The following LAMP3 variants were observed in gnomAD, a reference collection of about 807,000 sequenced individuals.
LAMP3 encodes the protein lysosome-associated membrane glycoprotein 3.
In LAMP3, 26 loss-of-function variants were observed where a neutral mutation model predicts 34.8. The ratio of observed to expected loss-of-function variants is 0.75; its 90% CI spans 0.55 to 1.04. The LOEUF (loss-of-function observed/expected upper bound fraction) is 1.04. Ranked by LOEUF, LAMP3 falls within the 50% of genes least tolerant of loss-of-function variation. The probability of loss-of-function intolerance (pLI) is 0.00; values close to 1 mark genes in which losing one functional copy is unlikely to be tolerated. For missense variants in LAMP3, 495 were observed against 524.0 expected (o/e 0.94, Z 0.54); for synonymous variants, 180 against 201.9 (o/e 0.89, Z 0.92).
At chr3:183,149,544 C>CAAA (rs1177679833) in intron 3 of LAMP3, among the ~76,000 whole-genome samples, 15 of 93,394 alleles carry the variant, frequency 1.6e-4, no homozygotes, top group Non-Finnish European at 1.7e-4. Flanking sequence ...GACTCCAACT[C>CAAA]AAAAAAAAAA....
In LAMP3 at chr3:183,154,298, A is replaced by G; in HGVS notation, c.143T>C (p.Ile48Thr). Residue 48 changes from isoleucine to threonine, a missense_variant, in exon 2 of 6, where the codon ATA (isoleucine) becomes ACA (threonine). Transcript: ENST00000265598. ...AGCTGGTTGCTGGACAGGTTTTTTT[A>G]TGTCCTGTACTGTTGCTGCTGCAGT... ...QPTAAATVQD[I>T]KKPVQQPAKQ... The G allele has an allele frequency of 6.2e-7, 1 of 1,614,012 alleles. No individual in the cohort carries two copies. The highest frequency in any genetic ancestry group is 8.5e-7 in the Non-Finnish European group (1 of 1,179,982).
chr3:183,156,443 C>T (rs1281357604), intron 1 of LAMP3, among the ~76,000 whole-genome samples: 1 of 152,112 alleles, frequency 6.6e-6, no homozygotes, highest in Non-Finnish European at 1.5e-5. Flanking sequence ...TGCGTCCCTT[C>T]AATTTTGTGG....
At chr3:183,125,163 T>C (rs1227219699) in intron 5 of LAMP3, among the ~76,000 whole-genome samples, 1 of 152,160 alleles carries the variant, frequency 6.6e-6, no homozygotes, top group African/African-American at 2.4e-5. Context: ...GGGAAGTTGA[T>C]AGAATACTCT....
In LAMP3 at chr3:183,154,174, C is replaced by T. The variant is rs653316; in HGVS notation, c.267G>A (p.Ala89=). ...ATVKIPTTTP[A]TTKNTATTSP... is the part of the protein sequence containing the mutation. ...TGGTGGTTGCAGTGTTTTTTGTAGT[C>T]GCTGGGGTAGTTGTTGGAATTTTTA... The change falls in exon 2 of 6, where the codon GCG becomes GCA. Residue 89 remains alanine (A), a synonymous_variant. Coordinates refer to ENST00000265598, the MANE Select transcript of LAMP3 (RefSeq NM_014398.4). 0.82 allele frequency: 1,325,981 copies of T among 1,613,816 alleles called. 545,504 individuals carry two copies. Among genetic ancestry groups the T allele is most frequent in the Non-Finnish European group, 0.83 (981,777 of 1,179,956 alleles).
chr3:183,162,021 A>G (rs1418800155), intron 1 of LAMP3: 1 of 982,570 alleles, frequency 1.0e-6, no homozygotes, highest in Non-Finnish European at 1.2e-6. Context: ...CAGTTCTCTC[A>G]TGACGTTCGA....
chr3:183,128,890 T>C (rs913011139), intron 5 of LAMP3, among the ~76,000 whole-genome samples: 3 of 152,186 alleles, frequency 2.0e-5, no homozygotes, highest in African/African-American at 7.2e-5. Context: ...TTGTTTATAT[T>C]GCGACTCATT....
intron 4 of LAMP3, among the ~76,000 whole-genome samples, chr3:183,138,590 G>A (rs907492872): frequency 6.6e-6 from 1 of 152,166 alleles, no homozygotes; most frequent in African/African-American, 2.4e-5. Context: ...GTGTGAGTGG[G>A]AGCTTTGCTT....
At chr3:183,149,798 T>C (rs982077654) in intron 3 of LAMP3, among the ~76,000 whole-genome samples, 4 of 151,782 alleles carry the variant, frequency 2.6e-5, no homozygotes, top group Admixed American at 6.6e-5. Context: ...TTATTACACA[T>C]TGCATGCCTA....
chr3:183,124,937 T>C (rs1156501767), intron 5 of LAMP3, among the ~76,000 whole-genome samples: 1 of 152,252 alleles, frequency 6.6e-6, no homozygotes, highest in Non-Finnish European at 1.5e-5. Flanking sequence ...AAAACATTTT[T>C]GTCACTCCTA....
intron 5 of LAMP3, among the ~76,000 whole-genome samples, chr3:183,127,130 T>A (rs1192746892): frequency 6.6e-6 from 1 of 152,136 alleles, no homozygotes; most frequent in East Asian, 1.9e-4. Flanking sequence ...TCCCCTCTCT[T>A]CAACTCCCCC....
At chr3:183,142,707 A>C (rs142705773) in intron 3 of LAMP3, among the ~76,000 whole-genome samples, 1 of 152,318 alleles carries the variant, frequency 6.6e-6, no homozygotes, top group Admixed American at 6.5e-5. Flanking sequence ...TTACTTTCAC[A>C]TTCCCTGAAA....
At chr3:183,140,126 G>A (rs141773355) in intron 4 of LAMP3, among the ~76,000 whole-genome samples, 1 of 152,220 alleles carries the variant, frequency 6.6e-6, no homozygotes, top group East Asian at 1.9e-4. Flanking sequence ...AGCAGCATCG[G>A]CCGGGTGCAG....
At chr3:183,160,387 C>G (rs1162987868) in intron 1 of LAMP3, among the ~76,000 whole-genome samples, 1 of 152,178 alleles carries the variant, frequency 6.6e-6, no homozygotes, top group Non-Finnish European at 1.5e-5. Flanking sequence ...ACCCCAAGGC[C>G]AGACTTCGTT....
At chr3:183,152,004 C>T (rs531267072) in intron 3 of LAMP3, among the ~76,000 whole-genome samples, 108 of 152,286 alleles carry the variant, frequency 7.1e-4, no homozygotes, top group African/African-American at 2.4e-3. Flanking sequence ...CATTTGATTT[C>T]GGTTTTAGAA....
chr3:183,124,946 T>G (rs1434327369), intron 5 of LAMP3, among the ~76,000 whole-genome samples: 1 of 152,254 alleles, frequency 6.6e-6, no homozygotes, highest in African/African-American at 2.4e-5. Context: ...TTGTCACTCC[T>G]AAGGTTCTAT....
intron 2 of LAMP3, among the ~76,000 whole-genome samples, chr3:183,152,909 G>T (rs1720687719): frequency 4.6e-5 from 7 of 152,192 alleles, no homozygotes. Context: ...GGGCATGGTG[G>T]CTCATGCCTG....
intron 4 of LAMP3, among the ~76,000 whole-genome samples, chr3:183,139,955 T>C (rs958103119): frequency 6.6e-6 from 1 of 152,232 alleles, no homozygotes; most frequent in African/African-American, 2.4e-5. Context: ...ACAGCAAATC[T>C]GTCAAAAAGC....
Position 183,123,747 on chromosome 3 carries a change from T to C in LAMP3, c.*334A>G, listed in dbSNP as rs761515795. 3.7e-6 allele frequency: 1 copy of C among 268,088 alleles called. No individual in the cohort carries two copies. Among genetic ancestry groups the C allele is most frequent in the Non-Finnish European group, 7.2e-6 (1 of 139,048 alleles). 16.6% of individuals were successfully genotyped at this position (268,088 alleles called of 1,614,324 possible). A position where few individuals can be genotyped will look rare whatever the true frequency, so the allele number is the denominator to read the frequency against. ...GCACACACAGTAGTATTAGTTACAA[T>C]TGACCCTTGGTTTATAATTTGAAGG... On this transcript the variant is annotated 3_prime_UTR_variant, in exon 6 of 6. Coordinates refer to ENST00000265598, the MANE Select transcript of LAMP3 (RefSeq NM_014398.4).
At chr3:183,156,075 T>A (rs624269) in intron 1 of LAMP3, among the ~76,000 whole-genome samples, 111,884 of 152,158 alleles carry the variant, frequency 0.74, 41,307 homozygotes, top group Non-Finnish European at 0.76. Flanking sequence ...AACACAGATG[T>A]TGGGCCGGGC....
Sources: allele counts gnomAD v4.1 joint callset (sites outside exome capture counted in the v4.1 genomes callset), GRCh38; gene constraint gnomAD v4.1.1; transcripts MANE v1.5; gene names NCBI Gene and HGNC (gene_info 2026-07-23, HGNC 2026-07-21).